Variants in CNOT6L observed in about 807,000 individuals in gnomAD.
The protein encoded by CNOT6L is CCR4-NOT transcription complex subunit 6-like.
A neutral mutation model predicts 64.0 loss-of-function variants in CNOT6L; 7 were observed. The observed-to-expected ratio is 0.11, with a 90% confidence interval of 0.06 to 0.21. The LOEUF (loss-of-function observed/expected upper bound fraction) is 0.21, where lower values mean the gene tolerates loss of function less well. Among genes scored for constraint, CNOT6L ranks in the 10% least tolerant of loss-of-function variants. The pLI is 1.00. For missense variants in CNOT6L, 245 were observed against 669.0 expected (o/e 0.37, Z 6.99); for synonymous variants, 193 against 243.4 (o/e 0.79, Z 1.93).
At chr4:77,781,919 G>T (rs1304673563) in intron 1 of CNOT6L, among the ~76,000 whole-genome samples, 1 of 152,138 alleles carries the variant, frequency 6.6e-6, no homozygotes, top group Non-Finnish European at 1.5e-5. Context: ...CTAACTCAAT[G>T]AAATCTCACC....
At chr4:77,793,762 C>T (rs17409255) in intron 1 of CNOT6L, among the ~76,000 whole-genome samples, 9,718 of 152,160 alleles carry the variant, frequency 0.064, 467 homozygotes, top group African/African-American at 0.13. Context: ...GACAGATAAG[C>T]TTTCTATGCA....
chr4:77,819,512 G>A, upstream of CNOT6L: 1 of 1,008,360 alleles, frequency 9.9e-7, no homozygotes, highest in Non-Finnish European at 1.3e-6. Context: ...GGCACACAGG[G>A]CCCGTAACCG....
rs936234756 is a variant in CNOT6L at position 77,731,283 on chromosome 4, A to G, written c.1024+104T>C. 6.6e-5 allele frequency: 69 copies of G among 1,039,188 alleles called. 1 individual carries two copies. The Middle Eastern group carries it at 1.2e-3, about 19-fold the overall frequency. The allele number at this position is 1,039,188 out of a possible 1,614,324, so 64.4% of individuals were successfully genotyped here. The stretch of plus-strand genomic sequence containing the variant: ...CTCCCTTAACTTTCCTCAAAAGAAA[A>G]TAACTTTGCAATAAATAACGGCAAA... On this transcript the variant is annotated intron_variant, in intron 9 of 11. Coordinates refer to ENST00000504123, the MANE Select transcript of CNOT6L (RefSeq NM_144571.3).
chr4:77,744,549 T>C (rs916971544), intron 7 of CNOT6L, among the ~76,000 whole-genome samples, 169 bp downstream of exon 7: 3 of 152,244 alleles, frequency 2.0e-5, no homozygotes, highest in East Asian at 1.9e-4. Flanking sequence ...AGTTTCACTA[T>C]GGAAATGTCT....
intron 4 of CNOT6L, among the ~76,000 whole-genome samples, chr4:77,769,743 T>A (rs1191380392): frequency 6.6e-6 from 1 of 152,080 alleles, no homozygotes; most frequent in South Asian, 2.1e-4. Flanking sequence ...ATTTCAAGAA[T>A]AAAACAAATT....
intron 6 of CNOT6L, among the ~76,000 whole-genome samples, chr4:77,747,032 C>T (rs1724270455): frequency 6.6e-6 from 1 of 150,890 alleles, no homozygotes. Context: ...TCCCACATTT[C>T]CAAATACTAA....
chr4:77,780,553 CTTTA>C (rs1179674477), intron 1 of CNOT6L, among the ~76,000 whole-genome samples: 1 of 152,184 alleles, frequency 6.6e-6, no homozygotes, highest in East Asian at 1.9e-4. Context: ...TCCATTCACT[CTTTA>C]TTTCTTAGCG....
intron 2 of CNOT6L, among the ~76,000 whole-genome samples, chr4:77,774,927 T>G (rs201094067): frequency 1.3e-5 from 2 of 152,226 alleles, no homozygotes; most frequent in South Asian, 2.1e-4. Flanking sequence ...CAACCACTCT[T>G]TCTCAAGAAC....
In CNOT6L at chr4:77,771,801, T is replaced by A. The variant is rs982188802; in HGVS notation, c.400+1280A>T. Among the ~76,000 whole-genome samples the A allele has an allele frequency of 7.9e-5, 12 of 152,330 alleles. No individual in the cohort carries two copies. The East Asian group carries it at 2.3e-3, about 29-fold the overall frequency. ...AAAAGCAAATGCAGGCAGAACATTA[T>A]CATGGAAACTAAAATAGTCTTTGAA... On this transcript the variant is annotated intron_variant, in intron 4 of 11. Transcript: ENST00000504123.
intron 5 of CNOT6L, among the ~76,000 whole-genome samples, chr4:77,756,047 G>C (rs112752481): frequency 6.6e-6 from 1 of 151,998 alleles, no homozygotes; most frequent in African/African-American, 2.4e-5. Flanking sequence ...GCAGCGGCAC[G>C]ATCTCAGCTG....
intron 6 of CNOT6L, among the ~76,000 whole-genome samples, chr4:77,745,398 T>A (rs1244165538): frequency 2.0e-5 from 3 of 152,192 alleles, no homozygotes; most frequent in African/African-American, 7.2e-5. Flanking sequence ...TGCTCATTTT[T>A]AAATGTCCTT....
intron 1 of CNOT6L, among the ~76,000 whole-genome samples, chr4:77,789,544 A>C (rs1329270978): frequency 6.6e-6 from 1 of 150,790 alleles, no homozygotes; most frequent in Non-Finnish European, 1.5e-5. Flanking sequence ...GTGGTGGTGC[A>C]TGCCTGTAGT....
intron 1 of CNOT6L, among the ~76,000 whole-genome samples, chr4:77,812,965 A>G (rs1451199288): frequency 6.6e-6 from 1 of 152,240 alleles, no homozygotes; most frequent in Non-Finnish European, 1.5e-5. Flanking sequence ...ACAAAGCTAC[A>G]GTAGTCAAGA....
chr4:77,751,448 A>G (rs925655282), intron 5 of CNOT6L, among the ~76,000 whole-genome samples: 1 of 152,192 alleles, frequency 6.6e-6, no homozygotes, highest in African/African-American at 2.4e-5. Context: ...TTCCAGAAGG[A>G]CAGGAGAAAG....
chr4:77,819,296 C>T lies in CNOT6L; in HGVS notation c.5+8G>A, dbSNP rs1202531282. 6.2e-7 allele frequency: 1 copy of T among 1,613,472 alleles called. No individual in the cohort carries two copies. The highest frequency in any genetic ancestry group is 8.5e-7 in the Non-Finnish European group (1 of 1,179,734). On this transcript the variant is annotated splice_region_variant and intron_variant, in intron 1 of 11. Transcript: ENST00000504123. ...TCGGTCCTACTCGGAGGCAAAAGAA[C>T]ACTCTACCTCATTCTCTTCCTCTGG... is the stretch of plus-strand genomic sequence containing the variant.
intron 1 of CNOT6L, among the ~76,000 whole-genome samples, chr4:77,791,106 C>T (rs1202462007): frequency 2.6e-5 from 4 of 151,846 alleles, no homozygotes; most frequent in African/African-American, 4.8e-5. Flanking sequence ...CATGAAACAC[C>T]GTCTATACTG....
At chr4:77,767,373 C>T (rs994417098) in intron 4 of CNOT6L, among the ~76,000 whole-genome samples, 2 of 151,992 alleles carry the variant, frequency 1.3e-5, no homozygotes, top group African/African-American at 4.8e-5. Context: ...AGCCACGGTG[C>T]CCAAATTGTC....
chr4:77,757,186 T>C (rs1320021737), intron 4 of CNOT6L, among the ~76,000 whole-genome samples: 1 of 152,158 alleles, frequency 6.6e-6, no homozygotes, highest in Non-Finnish European at 1.5e-5. Flanking sequence ...AAAGCATATA[T>C]ATTAATCATA....
At chr4:77,744,687 G>A in intron 7 of CNOT6L, 31 bp downstream of exon 7, 1 of 1,570,090 alleles carries the variant, frequency 6.4e-7, no homozygotes, top group African/African-American at 1.4e-5. Context: ...CACCTTTTAA[G>A]TTAAAGACAG....
Sources: allele counts gnomAD v4.1 joint callset (sites outside exome capture counted in the v4.1 genomes callset), GRCh38; gene constraint gnomAD v4.1.1; transcripts MANE v1.5; gene names NCBI Gene and HGNC (gene_info 2026-07-23, HGNC 2026-07-21).